TUT7: variants seen among roughly 807,000 people sequenced by gnomAD.
TUT7 encodes terminal uridylyltransferase 7.
Under a neutral mutation model 165.9 loss-of-function variants are expected in TUT7, and 33 were observed. The ratio of observed to expected loss-of-function variants is 0.20; its 90% CI spans 0.15 to 0.27. The LOEUF is 0.27. Ranked by LOEUF, TUT7 falls within the 10% of genes least tolerant of loss-of-function variation. TUT7 has a pLI of 1.00. For missense variants in TUT7, 1,338 were observed against 1,762.3 expected (o/e 0.76, Z 4.31); for synonymous variants, 552 against 608.1 (o/e 0.91, Z 1.36).
Position 86,301,349 on chromosome 9 carries a change from T to C in TUT7, c.4347A>G (p.Arg1449=), listed in dbSNP as rs1415871095. Residue 1449 remains arginine, a synonymous_variant, in exon 26 of 27, where the codon AGA becomes AGG. Transcript: ENST00000375963. ...KWKRQDDKDL[R]EKRCFICGRE... ...TTCCACAAATAAAACAACGTTTTTC[T>C]CTTAAGTCTTTGTCATCCTGTCTCT... is the stretch of plus-strand genomic sequence containing the variant. 5 of 1,614,192 alleles carry C rather than the reference T, an allele frequency of 3.1e-6. No individual in the cohort carries two copies. The highest frequency in any genetic ancestry group is 4.2e-6 in the Non-Finnish European group (5 of 1,180,040).
At chr9:86,301,673 A>G in intron 25 of TUT7, 72 bp from the exon 26 acceptor site, 2 of 1,527,894 alleles carry the variant, frequency 1.3e-6, no homozygotes, top group Admixed American at 4.4e-5. Context: ...AATTCCCAAA[A>G]TATTAAGGCA....
intron 6 of TUT7, among the ~76,000 whole-genome samples, chr9:86,342,027 A>G (rs1038817910): frequency 2.6e-5 from 4 of 152,226 alleles, no homozygotes; most frequent in African/African-American, 9.6e-5. Flanking sequence ...CCGGATCAAA[A>G]TAACTGCTAT....
At chr9:86,295,231 G>A (rs938237714) in intron 26 of TUT7, among the ~76,000 whole-genome samples, 4 of 152,088 alleles carry the variant, frequency 2.6e-5, no homozygotes, top group Non-Finnish European at 5.9e-5. Context: ...TGTTAAAGAA[G>A]AGCTGAGCTG....
intron 12 of TUT7, 29 bp downstream of exon 12, chr9:86,325,305 G>T (rs767791905): frequency 1.2e-6 from 2 of 1,603,400 alleles, no homozygotes; most frequent in African/African-American, 1.3e-5. Context: ...AAAAGAGTGG[G>T]GGGGAATAAG....
At chr9:86,346,926 A>G (rs1394827201) in intron 2 of TUT7, among the ~76,000 whole-genome samples, 1 of 152,184 alleles carries the variant, frequency 6.6e-6, no homozygotes, top group African/African-American at 2.4e-5. Flanking sequence ...ATTTGCTTTC[A>G]TCTTCTATAA....
chr9:86,326,911 C>G (rs968482182), intron 11 of TUT7, among the ~76,000 whole-genome samples: 1 of 152,206 alleles, frequency 6.6e-6, no homozygotes, highest in Non-Finnish European at 1.5e-5. Context: ...GGATTTACAG[C>G]AATAGCTTTT....
At chr9:86,316,142 A>C (rs879328969) in intron 17 of TUT7, among the ~76,000 whole-genome samples, 1 of 152,234 alleles carries the variant, frequency 6.6e-6, no homozygotes, top group South Asian at 2.1e-4. Flanking sequence ...GCTGAACTAC[A>C]TTTTAAAAGA....
In TUT7 at chr9:86,296,150, T is replaced by C. The variant is rs553659888; in HGVS notation, c.4420+5126A>G. ...TGATAATTTATTGAGTGATGAGATG[T>C]GTCGGATGCTGTGTTAAGTGCTTTA... On this transcript the variant is annotated intron_variant, in intron 26 of 26. Transcript: ENST00000375963. 4.6e-5 allele frequency among the ~76,000 whole-genome samples: 7 copies of C among 152,318 alleles called. No homozygotes were observed. In the East Asian group the frequency reaches 1.3e-3, roughly 29 times the overall value.
intron 1 of TUT7, 77 bp from the exon 2 acceptor site, chr9:86,353,307 G>A: frequency 2.5e-6 from 3 of 1,202,692 alleles, no homozygotes; most frequent in South Asian, 1.7e-5. Flanking sequence ...ACAATTTATC[G>A]TACAGATGCC....
chr9:86,315,750 T>C (rs1828656327), intron 17 of TUT7, among the ~76,000 whole-genome samples: 1 of 133,202 alleles, frequency 7.5e-6, no homozygotes, highest in Non-Finnish European at 1.5e-5. Flanking sequence ...ATGCACTTTT[T>C]TTCTTTTTTT....
chr9:86,299,429 A>G (rs996497222), intron 26 of TUT7, among the ~76,000 whole-genome samples: 1 of 152,226 alleles, frequency 6.6e-6, no homozygotes, highest in Non-Finnish European at 1.5e-5. Context: ...AACAAGAGAG[A>G]GCAGCATAAT....
intron 22 of TUT7, among the ~76,000 whole-genome samples, chr9:86,307,639 T>C (rs1032116421): frequency 3.9e-5 from 6 of 152,184 alleles, no homozygotes; most frequent in African/African-American, 1.2e-4. Context: ...ATCCCACAAA[T>C]TGGAAATAAA....
chr9:86,329,958 T>C (rs1419928699), intron 10 of TUT7, among the ~76,000 whole-genome samples: 1 of 152,228 alleles, frequency 6.6e-6, no homozygotes, highest in East Asian at 1.9e-4. Context: ...CCCTGGTTTA[T>C]TTTTCCTCAG....
intron 10 of TUT7, 134 bp downstream of exon 10, chr9:86,337,279 GTATGAA>G: frequency 1.1e-6 from 1 of 924,468 alleles, no homozygotes; most frequent in African/African-American, 1.7e-5. Flanking sequence ...GCAGTGAAAG[GTATGAA>G]TATTCACATG....
chr9:86,308,443 T>C lies in TUT7; in HGVS notation c.3824A>G (p.Tyr1275Cys). 1 of 1,612,080 alleles carries C rather than the reference T, an allele frequency of 6.2e-7. No individual in the cohort carries two copies. Among genetic ancestry groups the C allele is most frequent in the Non-Finnish European group, 8.5e-7 (1 of 1,179,354 alleles). ...TTTATTCGTACCTTCAATAACAATG[T>C]ATTTTGAGGTCCACTGTTTCTTAAA... ...TTFKKQWTSK[Y>C]IVIEDPFDLN... The change falls in exon 22 of 27, where the codon TAC becomes TGC. Residue 1275 changes from tyrosine to cysteine, a missense_variant. Physicochemically the swap from Tyr to Cys is radical, Grantham distance 194. Transcript: ENST00000375963.
intron 26 of TUT7, among the ~76,000 whole-genome samples, chr9:86,295,840 G>A (rs1826265612): frequency 6.6e-6 from 1 of 151,678 alleles, no homozygotes; most frequent in South Asian, 2.1e-4. Context: ...TAAATAGACA[G>A]AGGTAGTTTT....
chr9:86,291,553 CAA>C (rs1298800135), intron 26 of TUT7, among the ~76,000 whole-genome samples: 1 of 110,056 alleles, frequency 9.1e-6, no homozygotes, highest in African/African-American at 3.5e-5. Flanking sequence ...GCCTGGGCAA[CAA>C]GAGCGAAACT....
rs1437839153 is a variant in TUT7 at position 86,338,859 on chromosome 9, C to T, written c.1299G>A (p.Leu433=). Reference sequence around the variant, plus strand: ...ACCTAAATGCAATCACCAAAGGAACCAGCTTTGGTTCTAGTTTTCCAAGGG... The same window carrying T: ...ACCTAAATGCAATCACCAAAGGAACTAGCTTTGGTTCTAGTTTTCCAAGGG... ...LTALGKLEPK[L]VPLVIAFRYW... Residue 433 remains leucine, a synonymous_variant, in exon 9 of 27, where the codon CTG becomes CTA. Transcript: ENST00000375963. 6.2e-7 allele frequency: 1 copy of T among 1,610,202 alleles called. No homozygotes were observed. Among genetic ancestry groups the T allele is most frequent in the Non-Finnish European group, 8.5e-7 (1 of 1,178,262 alleles).
rs540738169 is a variant in TUT7 at position 86,337,392 on chromosome 9, T to C, written c.1455+27A>G. On this transcript the variant is annotated intron_variant, in intron 10 of 26. Coordinates refer to ENST00000375963, the MANE Select transcript of TUT7 (RefSeq NM_024617.4). ...GGACCTGTAATAAAATCTGTTCAGA[T>C]ATATAAGCAAAAAAAATGTTTTATA... 138 of 1,596,784 alleles carry C rather than the reference T, an allele frequency of 8.6e-5. No homozygotes were observed. The South Asian group carries it at 1.4e-3, about 17-fold the overall frequency.
Sources: gnomAD v4.1 joint callset for allele counts (sites outside exome capture counted in the v4.1 genomes callset) on GRCh38, gnomAD v4.1.1 for gene constraint, MANE v1.5 for transcripts, NCBI Gene and HGNC (gene_info 2026-07-23, HGNC 2026-07-21) for gene names.